The following MMUT variants were observed in gnomAD, a reference collection of about 807,000 sequenced individuals.
MMUT encodes methylmalonyl-CoA mutase, also known as methylmalonyl-CoA mutase, mitochondrial.
MMUT carries 79 observed loss-of-function variants against 79.9 expected under a neutral mutation model. The ratio of observed to expected loss-of-function variants is 0.99; its 90% CI spans 0.82 to 1.19. The LOEUF is 1.19. Ranked by LOEUF, MMUT falls within the 50% of genes most tolerant of loss-of-function variation. The pLI is 0.00. For missense variants in MMUT, 860 were observed against 917.2 expected (o/e 0.94, Z 0.81); for synonymous variants, 273 against 295.7 (o/e 0.92, Z 0.79).
intron 4 of MMUT, among the ~76,000 whole-genome samples, chr6:49,455,534 T>C (rs1767663713): frequency 6.6e-6 from 1 of 152,214 alleles, no homozygotes; most frequent in African/African-American, 2.4e-5. Context: ...GGCTAGTGTT[T>C]GGCACAGCAA....
At chr6:49,444,172 AG>A (rs960413668) in intron 9 of MMUT, among the ~76,000 whole-genome samples, 2 of 152,024 alleles carry the variant, frequency 1.3e-5, no homozygotes, top group Admixed American at 6.6e-5. Flanking sequence ...AAGGACTGGG[AG>A]GGGGGTGTGG....
At chr6:49,444,518 GCCA>G in intron 9 of MMUT, 118 bp downstream of exon 9, 1 of 768,888 alleles carries the variant, frequency 1.3e-6, no homozygotes, top group Non-Finnish European at 2.3e-6. Flanking sequence ...TACGATGGAT[GCCA>G]TTATTTTCTT....
intron 9 of MMUT, among the ~76,000 whole-genome samples, chr6:49,442,233 T>C (rs1159911122): frequency 6.6e-6 from 1 of 152,088 alleles, no homozygotes; most frequent in Non-Finnish European, 1.5e-5. Flanking sequence ...TAATTATATA[T>C]ATAGACAAGT....
intron 12 of MMUT, 79 bp from the exon 13 acceptor site, chr6:49,431,935 GTCAC>G: frequency 1.3e-6 from 2 of 1,516,050 alleles, no homozygotes; most frequent in South Asian, 2.3e-5. Flanking sequence ...TTTCTTCTTT[GTCAC>G]TCAATTACCC....
intron 11 of MMUT, among the ~76,000 whole-genome samples, chr6:49,438,100 T>C (rs979545188): frequency 5.4e-5 from 7 of 130,002 alleles, no homozygotes; most frequent in Non-Finnish European, 1.0e-4. Flanking sequence ...TGTTAGGAGA[T>C]TGTAACCTCG....
At chr6:49,462,879 C>T (rs1265086724) in intron 1 of MMUT, among the ~76,000 whole-genome samples, 1 of 152,140 alleles carries the variant, frequency 6.6e-6, no homozygotes, top group Non-Finnish European at 1.5e-5. Flanking sequence ...TCCAGAAGTA[C>T]CTCCGAATTG....
In MMUT at chr6:49,441,862, CTT is replaced by C. The variant is rs1561952743; in HGVS notation, c.1784_1785del (p.Lys595ArgfsTer11). 2 of 1,611,758 alleles carry C rather than the reference CTT, an allele frequency of 1.2e-6. No individual in the cohort carries two copies. Among genetic ancestry groups the C allele is most frequent in the Non-Finnish European group, 1.7e-6 (2 of 1,178,530 alleles). On this transcript the variant is annotated frameshift_variant, in exon 10 of 13. Transcript: ENST00000274813. LOFTEE classifies it high-confidence loss of function. ...TACCTCTTGATAGCAGATGTTATCTCTTTACTTTCTCCAAATTCCTGGCGATA... is the reference window on the plus strand; with the variant it reads ...TACCTCTTGATAGCAGATGTTATCTCTACTTTCTCCAAATTCCTGGCGATA... ...GAYRQEFGES[K>X]EITSAIKRVH...
At chr6:49,458,190 C>T (rs1767743835) in intron 2 of MMUT, 132 bp from the exon 3 acceptor site, 2 of 914,030 alleles carry the variant, frequency 2.2e-6, no homozygotes, top group East Asian at 2.7e-5. Context: ...TTTTTATGCT[C>T]ATACATGTCA....
intron 12 of MMUT, among the ~76,000 whole-genome samples, chr6:49,432,470 C>T (rs550056577): frequency 1.8e-4 from 27 of 152,182 alleles, no homozygotes; most frequent in African/African-American, 3.6e-4. Context: ...TCACTGCAAG[C>T]TCCGCCTCCC....
chr6:49,452,568 T>C (rs1358369042), intron 5 of MMUT, among the ~76,000 whole-genome samples: 4 of 152,104 alleles, frequency 2.6e-5, no homozygotes, highest in Admixed American at 6.5e-5. Context: ...CTCCTGACCT[T>C]GTGATCTGCC....
At position 49,451,555 on chromosome 6, in the gene MMUT, C is replaced by A. The variant is rs748129702; in HGVS notation, c.1243G>T (p.Glu415Ter). Residue 415 changes from glutamate to a stop codon, truncating the protein, a stop_gained, in exon 6 of 13, where the codon GAA becomes TAA. Transcript: ENST00000274813. LOFTEE classifies it high-confidence loss of function. Reference sequence around the variant, plus strand: ...TCAGCCACTTTGGGAATCCCAGATTCTTCTTGAATGATGATTTGTGTGTTC... The same window carrying A: ...TCAGCCACTTTGGGAATCCCAGATTATTCTTGAATGATGATTTGTGTGTTC... The part of the protein sequence containing the change: ...ARNTQIIIQE[E>*]SGIPKVADPW... 3 of 1,614,004 alleles carry A rather than the reference C, an allele frequency of 1.9e-6. No homozygotes were observed. In the African/African-American group the frequency reaches 4.0e-5, roughly 22 times the overall value.
chr6:49,443,737 G>T, intron 9 of MMUT: 1 of 415,000 alleles, frequency 2.4e-6, no homozygotes. Flanking sequence ...ATGATTTAAT[G>T]TCTTCTCACA....
At chr6:49,462,080 A>T (rs964173980) in intron 1 of MMUT, among the ~76,000 whole-genome samples, 1 of 152,206 alleles carries the variant, frequency 6.6e-6, no homozygotes, top group Non-Finnish European at 1.5e-5. Flanking sequence ...TCACATGTGA[A>T]TTGGTGGAGG....
At chr6:49,438,001 TTATAG>T (rs1249248993) in intron 11 of MMUT, among the ~76,000 whole-genome samples, 2 of 152,140 alleles carry the variant, frequency 1.3e-5, no homozygotes, top group Non-Finnish European at 2.9e-5. Flanking sequence ...AGTAATTTAG[TTATAG>T]TAATTTTCAT....
chr6:49,437,067 AAAAC>A (rs1416582061), intron 11 of MMUT, among the ~76,000 whole-genome samples: 4 of 152,220 alleles, frequency 2.6e-5, no homozygotes, highest in African/African-American at 9.6e-5. Flanking sequence ...AAAAGTTAAA[AAAAC>A]AAACAAAAAA....
rs864309734 is a variant in MMUT, at chr6:49,453,733, C to A, written c.935G>T (p.Gly312Val). The A allele has an allele frequency of 2.8e-5, 45 of 1,612,854 alleles. No homozygotes were observed. Among genetic ancestry groups the A allele is most frequent in the Non-Finnish European group, 3.7e-5 (44 of 1,179,346 alleles). Reference protein sequence around the residue: ...APRLSFFWGIGMNFYMEIAKM... With the variant: ...APRLSFFWGIVMNFYMEIAKM... ...TGCTATTTCCATATAGAAATTCATT[C>A]CAATTCCCCAGAAGAAAGACAACCT... The change falls in exon 5 of 13, where the codon GGA becomes GTA. Residue 312 changes from glycine (G) to valine (V), a missense_variant. By Grantham distance (109) the Gly-to-Val change is moderately radical. Transcript: ENST00000274813.
intron 12 of MMUT, among the ~76,000 whole-genome samples, chr6:49,433,260 C>T (rs1767033559): frequency 6.6e-6 from 1 of 152,098 alleles, no homozygotes; most frequent in South Asian, 2.1e-4. Flanking sequence ...TCTCTCCTTC[C>T]TAAAAATCCC....
At position 49,431,109 on chromosome 6, in the gene MMUT, G is replaced by C. The variant is rs1372552604; in HGVS notation, c.*619C>G. On this transcript the variant is annotated 3_prime_UTR_variant, in exon 13 of 13. Coordinates refer to ENST00000274813, the MANE Select transcript of MMUT (RefSeq NM_000255.4). Reference sequence around the variant, plus strand: ...AGCCCAGAAATAACAAGGTCAGATGGTCATGATCAGGAAGAAAGTAAACTC... The same window carrying C: ...AGCCCAGAAATAACAAGGTCAGATGCTCATGATCAGGAAGAAAGTAAACTC... The C allele has an allele frequency of 6.6e-6, 1 of 152,230 alleles. No homozygotes were observed. Among genetic ancestry groups the C allele is most frequent in the Non-Finnish European group, 1.5e-5 (1 of 68,102 alleles). 9.4% of individuals were successfully genotyped at this position (152,230 alleles called of 1,614,324 possible).
chr6:49,431,054 T>A lies in MMUT; in HGVS notation c.*674A>T, dbSNP rs1048442424. 1.3e-5 allele frequency: 2 copies of A among 152,242 alleles called. No homozygotes were observed. Among genetic ancestry groups the A allele is most frequent in the Non-Finnish European group, 2.9e-5 (2 of 68,066 alleles). The allele number at this position is 152,242 out of a possible 1,614,324, so 9.4% of individuals were successfully genotyped here. ...GCACTTTTATTTAAAGGAATGTTCA[T>A]CAACATCCACTCTCCTTGGTCTTGA... On this transcript the variant is annotated 3_prime_UTR_variant, in exon 13 of 13. Coordinates refer to ENST00000274813, the MANE Select transcript of MMUT (RefSeq NM_000255.4).
Sources: allele counts gnomAD v4.1 joint callset (sites outside exome capture counted in the v4.1 genomes callset), GRCh38; gene constraint gnomAD v4.1.1; transcripts MANE v1.5; gene names NCBI Gene and HGNC (gene_info 2026-07-23, HGNC 2026-07-21).